Variants in ZBTB43 observed in about 807,000 individuals in gnomAD.
ZBTB43 encodes the protein zinc finger and BTB domain-containing protein 43.
A neutral mutation model predicts 31.1 loss-of-function variants in ZBTB43; 6 were observed. The observed-to-expected ratio is 0.19, with a 90% CI of 0.11 to 0.38. ZBTB43 has a LOEUF of 0.38. ZBTB43 is among the 10% of genes least tolerant of loss of function. The pLI, the probability that ZBTB43 is intolerant of heterozygous loss-of-function variation, is 1.00. For synonymous variants in ZBTB43, 212 were observed against 221.7 expected (o/e 0.96, Z 0.39); for missense variants, 379 against 602.1 (o/e 0.63, Z 3.88).
chr9:126,806,799 C>G (rs923919052), intron 1 of ZBTB43, among the ~76,000 whole-genome samples: 1 of 152,160 alleles, frequency 6.6e-6, no homozygotes, highest in South Asian at 2.1e-4. Context: ...GCAGTGGGTA[C>G]AGCTGAGGTT....
intron 2 of ZBTB43, among the ~76,000 whole-genome samples, chr9:126,819,979 C>T (rs2032476289): frequency 6.6e-6 from 1 of 152,194 alleles, no homozygotes; most frequent in East Asian, 1.9e-4. Flanking sequence ...CCCTAACTCT[C>T]TTCATTTCTC....
chr9:126,832,691 A>T lies in ZBTB43; in HGVS notation c.182A>T (p.Gln61Leu). 2.5e-6 allele frequency: 4 copies of T among 1,614,176 alleles called. No individual in the cohort carries two copies. The highest frequency in any genetic ancestry group is 3.4e-6 in the Non-Finnish European group (4 of 1,180,042). Residue 61 changes from glutamine (Q) to leucine (L), a missense_variant, in exon 3 of 3, where the codon CAG (glutamine) becomes CTG (leucine). By Grantham distance (113) the Gln-to-Leu change is moderately radical (BLOSUM62 -2). Around this residue, in one of 5 missense-constraint regions of ZBTB43, gnomAD observed 79 missense variants for 134.4 expected, o/e 0.59. Transcript: ENST00000373464. ...GCCAGTTCACCCTACTTTTGTGACC[A>T]GGTACTCCTGAAAAACAGCAGGAGA... ...LAASSPYFCDQVLLKNSRRIV... is the reference protein window; with the variant it reads ...LAASSPYFCDLVLLKNSRRIV...
rs1243791971 is a variant in ZBTB43 at position 126,834,487 on chromosome 9, A to G, written c.*574A>G. On this transcript the variant is annotated 3_prime_UTR_variant, in exon 3 of 3. Transcript: ENST00000373464. ...ACTAAAACTATGGAGATGCTAAGAG[A>G]GTGACTTTCTAAATATGAAACAGAT... The G allele has an allele frequency of 6.0e-6, 1 of 167,140 alleles. No homozygotes were observed. The highest frequency in any genetic ancestry group is 1.5e-5 in the Non-Finnish European group (1 of 68,184). 10.4% of individuals were successfully genotyped at this position (167,140 alleles called of 1,614,324 possible). A position where few individuals can be genotyped will look rare whatever the true frequency, so the allele number is the denominator to read the frequency against.
Position 126,833,279 on chromosome 9 carries a change from G to A in ZBTB43, c.770G>A (p.Gly257Asp), listed in dbSNP as rs1467507425. Residue 257 changes from glycine (G) to aspartate (D), a missense_variant, in exon 3 of 3, where the codon GGC (glycine) becomes GAC (aspartate). By Grantham distance (94) the Gly-to-Asp change is moderately conservative. Around this residue, in one of 5 missense-constraint regions of ZBTB43, gnomAD observed 253 missense variants for 322.3 expected, o/e 0.79. Transcript: ENST00000373464. This position sits in a 1 kb window ranked among gnomAD's most constrained non-coding sequence, Gnocchi z 7.9. ...KPERLEQACE[G>D]MDVHATYDEH... ...GAGCGCTTAGAACAGGCTTGCGAGG[G>A]CATGGATGTGCACGCGACCTACGAC... The A allele has an allele frequency of 1.9e-6, 3 of 1,613,268 alleles. No homozygotes were observed. In the Admixed American group the frequency reaches 5.0e-5, roughly 27 times the overall value.
At chr9:126,824,612 T>C (rs2032592826) in intron 2 of ZBTB43, among the ~76,000 whole-genome samples, 1 of 152,194 alleles carries the variant, frequency 6.6e-6, no homozygotes, top group African/African-American at 2.4e-5. Context: ...CTCCATATGG[T>C]TTCTGCTTAT....
rs1288569477 is a variant in ZBTB43 at position 126,837,725 on chromosome 9, G to T, written c.*3812G>T. ...CTTTTGTTCAGTGAAACCAGGGTTT[G>T]TTTGGGGTTTTTTTCTTTGCTACTT... On this transcript the variant is annotated 3_prime_UTR_variant, in exon 3 of 3. Coordinates refer to ENST00000373464, the MANE Select transcript of ZBTB43 (RefSeq NM_014007.4). 6.0e-6 allele frequency: 1 copy of T among 166,854 alleles called. No homozygotes were observed. Among genetic ancestry groups the T allele is most frequent in the Non-Finnish European group, 1.5e-5 (1 of 68,066 alleles). The allele number at this position is 166,854 out of a possible 1,614,324, so 10.3% of individuals were successfully genotyped here.
At chr9:126,815,558 C>T (rs2032365081) in intron 2 of ZBTB43, among the ~76,000 whole-genome samples, 3 of 150,646 alleles carry the variant, frequency 2.0e-5, no homozygotes, top group South Asian at 4.2e-4. Flanking sequence ...TTTTCAAGCT[C>T]ACTAATGTTC....
rs549957286 is a variant in ZBTB43 at position 126,832,984 on chromosome 9, T to A, written c.475T>A (p.Ser159Thr). ...CCTGGTAGAGAGCTTTGAGCTGGGC[T>A]CTGGGGGTCATACTGATTTTCCCAA... ...NGLVESFELGSGGHTDFPKAQ... is the reference protein window; with the variant it reads ...NGLVESFELGTGGHTDFPKAQ... Residue 159 changes from serine (S) to threonine (T), a missense_variant, in exon 3 of 3, where the codon TCT becomes ACT. Transcript: ENST00000373464. 1.2e-5 allele frequency: 20 copies of A among 1,613,588 alleles called. No homozygotes were observed. The highest frequency in any genetic ancestry group is 1.7e-5 in the Non-Finnish European group (20 of 1,180,024).
intron 1 of ZBTB43, among the ~76,000 whole-genome samples, chr9:126,807,778 G>A (rs2032160167): frequency 6.6e-6 from 1 of 152,028 alleles, no homozygotes; most frequent in Admixed American, 6.6e-5. Context: ...TGGGATTACA[G>A]GCGCCTGCCA....
chr9:126,804,820 T>C (rs143608825), upstream of ZBTB43, among the ~76,000 whole-genome samples: 393 of 152,346 alleles, frequency 2.6e-3, 4 homozygotes, highest in African/African-American at 9.1e-3. Context: ...GAACTCAGTA[T>C]CTGCTCCCCT....
At position 126,822,159 on chromosome 9, in the gene ZBTB43, ATT is replaced by A. The variant is rs773251812; in HGVS notation, c.-23-10306_-23-10305del. Among the ~76,000 whole-genome samples the A allele has an allele frequency of 1.7e-3, 204 of 117,890 alleles. 1 individual carries two copies. The highest frequency in any genetic ancestry group is 5.0e-3 in the African/African-American group (161 of 31,890). The allele number at this position is 117,890 out of a possible 152,430, so 77.3% of individuals were successfully genotyped here. Reference sequence around the variant, plus strand: ...GCATGAGCCACCATGCTCGGCCGAGATTTTTTTTTTTTTTTTTTTTTTTAAAG... The same window carrying A: ...GCATGAGCCACCATGCTCGGCCGAGATTTTTTTTTTTTTTTTTTTTTAAAG... On this transcript the variant is annotated intron_variant, in intron 2 of 2. Coordinates refer to ENST00000373464, the MANE Select transcript of ZBTB43 (RefSeq NM_014007.4).
At position 126,833,899 on chromosome 9, in the gene ZBTB43, A is replaced by G; in HGVS notation, c.1390A>G (p.Thr464Ala). Residue 464 changes from threonine (T) to alanine (A), a missense_variant, in exon 3 of 3, where the codon ACT becomes GCT. By Grantham distance (58) the Thr-to-Ala change is moderately conservative. This residue lies in a region of ZBTB43 where 21 missense variants were observed against 22.4 expected (regional missense o/e 0.94). Transcript: ENST00000373464. The surrounding 1 kb of genome is among the most constrained non-coding windows in gnomAD (Gnocchi z 7.9). ...AGCTGCAAAGGCTGAGCAGAATACA[A>G]CTGAGGCTAACTAAAAATAGGATCT... ...YEAAKAEQNT[T>A]EAN is the part of the protein sequence containing the mutation. 1 of 1,577,266 alleles carries G rather than the reference A, an allele frequency of 6.3e-7. No individual in the cohort carries two copies. The highest frequency in any genetic ancestry group is 8.7e-7 in the Non-Finnish European group (1 of 1,153,084).
In ZBTB43 at chr9:126,826,454, C is replaced by CTTTTTTTTTTTT. The variant is rs35094731; in HGVS notation, c.-23-6017_-23-6006dup. Among the ~76,000 whole-genome samples the CTTTTTTTTTTTT allele has an allele frequency of 5.0e-4, 27 of 53,598 alleles. 7 individuals are homozygous for CTTTTTTTTTTTT. In the East Asian group the frequency reaches 0.02, roughly 39 times the overall value. 35.2% of individuals were successfully genotyped at this position (53,598 alleles called of 152,430 possible). On this transcript the variant is annotated intron_variant, in intron 2 of 2. Coordinates refer to ENST00000373464, the MANE Select transcript of ZBTB43 (RefSeq NM_014007.4). Reference sequence around the variant, plus strand: ...GCGCCACCACTCCTGGCCCCCCCGCCTTTTTTTTTTTTTTTTTTTTTTTTT... The same window carrying CTTTTTTTTTTTT: ...GCGCCACCACTCCTGGCCCCCCCGCCTTTTTTTTTTTTTTTTTTTTTTTTTTTTTTTTTTTTT...
At chr9:126,818,276 C>T (rs182307001) in intron 2 of ZBTB43, among the ~76,000 whole-genome samples, 2 of 150,168 alleles carry the variant, frequency 1.3e-5, no homozygotes, top group East Asian at 3.9e-4. Flanking sequence ...CTGTGCACCA[C>T]TATTCCTGGC....
chr9:126,833,679 C>T lies in ZBTB43; in HGVS notation c.1170C>T (p.His390=). The change falls in exon 3 of 3, where the codon CAC becomes CAT. Residue 390 remains histidine (H), a synonymous_variant. Coordinates refer to ENST00000373464, the MANE Select transcript of ZBTB43 (RefSeq NM_014007.4). This position sits in a 1 kb window ranked among gnomAD's most constrained non-coding sequence, Gnocchi z 7.9. Reference sequence around the variant, plus strand: ...CTCACAAGAGTCAGAGAGATCGGCACATGAGCATGCACCTCGGTCTTCGGC... The same window carrying T: ...CTCACAAGAGTCAGAGAGATCGGCATATGAGCATGCACCTCGGTCTTCGGC... The part of the protein sequence containing the change: ...SFTHKSQRDR[H]MSMHLGLRPY... 6.2e-7 allele frequency: 1 copy of T among 1,609,098 alleles called. No homozygotes were observed. Among genetic ancestry groups the T allele is most frequent in the Non-Finnish European group, 8.5e-7 (1 of 1,175,658 alleles).
At chr9:126,813,294 A>T (rs1177790829) in intron 2 of ZBTB43, among the ~76,000 whole-genome samples, 10 of 152,018 alleles carry the variant, frequency 6.6e-5, no homozygotes, top group Non-Finnish European at 1.3e-4. Flanking sequence ...TGTTACTTTT[A>T]TTACTACCTA....
chr9:126,815,642 G>GTC (rs78076730), intron 2 of ZBTB43, among the ~76,000 whole-genome samples: 18 of 129,072 alleles, frequency 1.4e-4, no homozygotes, highest in African/African-American at 4.2e-4. Context: ...TTTTATTTGG[G>GTC]TCTCTCTCTC....
intron 2 of ZBTB43, among the ~76,000 whole-genome samples, chr9:126,828,714 A>G (rs2032705508): frequency 6.7e-6 from 1 of 148,982 alleles, no homozygotes; most frequent in African/African-American, 2.5e-5. Flanking sequence ...TCTGACACAA[A>G]CCCTGGAGCA....
At chr9:126,819,330 TTAAGGAAGTCTATCAGCA>T (rs2032461544) in intron 2 of ZBTB43, among the ~76,000 whole-genome samples, 1 of 149,232 alleles carries the variant, frequency 6.7e-6, no homozygotes, top group South Asian at 2.1e-4. Flanking sequence ...CAACCCTGCA[TTAAGGAAGTCTATCAGCA>T]TCATTTTTCC....
Sources: allele counts gnomAD v4.1 joint callset (sites outside exome capture counted in the v4.1 genomes callset), GRCh38; gene constraint gnomAD v4.1.1; regional missense constraint gnomAD v4.1.1; non-coding constraint Gnocchi (gnomAD v3.1); transcripts MANE v1.5; gene names NCBI Gene and HGNC (gene_info 2026-07-23, HGNC 2026-07-21).